Variants in MCTP1 observed in about 807,000 individuals in gnomAD.
MCTP1 encodes the protein multiple C2 and transmembrane domain containing 1.
Under a neutral mutation model 120.6 loss-of-function variants are expected in MCTP1, and 69 were observed. The ratio of observed to expected loss-of-function variants is 0.57; its 90% CI spans 0.47 to 0.70. MCTP1 has a LOEUF of 0.70. Among genes scored for constraint, MCTP1 ranks in the 30% least tolerant of loss-of-function variants. The pLI is 0.00. For missense variants in MCTP1, 1,203 were observed against 1,248.8 expected (o/e 0.96, Z 0.55); for synonymous variants, 529 against 493.1 (o/e 1.07, Z -0.96).
chr5:95,024,763 G>GGTATTTCC (rs1270502734), intron 1 of MCTP1, among the ~76,000 whole-genome samples: 1 of 151,432 alleles, frequency 6.6e-6, no homozygotes. Flanking sequence ...AAAAACCAGT[G>GGTATTTCC]GTATTTCCAT....
intron 1 of MCTP1, among the ~76,000 whole-genome samples, chr5:95,155,941 T>TTCCAC (rs1745072853): frequency 6.6e-6 from 1 of 152,310 alleles, no homozygotes; most frequent in South Asian, 2.1e-4. Context: ...TTCCACTGGC[T>TTCCAC]TTGAAGACAT....
chr5:95,009,529 A>G (rs1835490570), intron 2 of MCTP1, among the ~76,000 whole-genome samples: 1 of 151,618 alleles, frequency 6.6e-6, no homozygotes, highest in African/African-American at 2.4e-5. Flanking sequence ...ATGATAAAAA[A>G]TTTACTATAT....
intron 1 of MCTP1, among the ~76,000 whole-genome samples, chr5:95,019,267 C>A (rs911227132): frequency 4.0e-5 from 6 of 151,892 alleles, no homozygotes; most frequent in African/African-American, 1.4e-4. Flanking sequence ...ACTTGTTTAC[C>A]CTTTTGTTTT....
chr5:94,982,322 T>C (rs922670927), intron 2 of MCTP1, among the ~76,000 whole-genome samples: 1 of 152,274 alleles, frequency 6.6e-6, no homozygotes, highest in Admixed American at 6.5e-5. Context: ...TTGGTACTGA[T>C]ACAATAACAA....
chr5:94,972,422 T>C (rs1382904696), intron 2 of MCTP1, among the ~76,000 whole-genome samples: 1 of 152,116 alleles, frequency 6.6e-6, no homozygotes, highest in African/African-American at 2.4e-5. Context: ...GAATGCCTGG[T>C]CCTCCCTTCA....
intron 17 of MCTP1, among the ~76,000 whole-genome samples, chr5:94,814,616 TATAATC>T (rs1784123938): frequency 6.6e-6 from 1 of 151,986 alleles, no homozygotes; most frequent in African/African-American, 2.4e-5. Context: ...CTATGAAAAA[TATAATC>T]AGTTAAAATT....
At chr5:94,824,723 T>C (rs1786552997) in intron 17 of MCTP1, among the ~76,000 whole-genome samples, 1 of 152,198 alleles carries the variant, frequency 6.6e-6, no homozygotes, top group East Asian at 1.9e-4. Context: ...GAACTTGTTA[T>C]TGGTCTATTC....
At chr5:94,806,921 A>G (rs1325646639) in intron 17 of MCTP1, among the ~76,000 whole-genome samples, 1 of 152,204 alleles carries the variant, frequency 6.6e-6, no homozygotes. Context: ...CATCTCCTAC[A>G]AAACAATTAA....
At chr5:94,776,091 T>A (rs1316069882) in intron 19 of MCTP1, among the ~76,000 whole-genome samples, 1 of 151,732 alleles carries the variant, frequency 6.6e-6, no homozygotes, top group Non-Finnish European at 1.5e-5. Flanking sequence ...CAGTCAGTAC[T>A]AAAGAAAAGC....
intron 2 of MCTP1, among the ~76,000 whole-genome samples, chr5:95,006,936 T>A (rs539728936): frequency 6.6e-6 from 1 of 152,238 alleles, no homozygotes; most frequent in African/African-American, 2.4e-5. Context: ...CCAGAAAAAC[T>A]GGGATATATG....
At chr5:95,163,397 C>T (rs569872682) in intron 1 of MCTP1, among the ~76,000 whole-genome samples, 1 of 152,266 alleles carries the variant, frequency 6.6e-6, no homozygotes, top group Admixed American at 6.5e-5. Context: ...TTGGCATTAG[C>T]TTGACATTAA....
chr5:95,024,422 A>C (rs1439465626), intron 1 of MCTP1, among the ~76,000 whole-genome samples: 1 of 152,176 alleles, frequency 6.6e-6, no homozygotes, highest in Non-Finnish European at 1.5e-5. Flanking sequence ...TTTTGTGATA[A>C]AAGCTCTCAA....
At chr5:94,749,914 A>AG (rs1767893234) in intron 19 of MCTP1, among the ~76,000 whole-genome samples, 1 of 152,156 alleles carries the variant, frequency 6.6e-6, no homozygotes, top group African/African-American at 2.4e-5. Flanking sequence ...AGTTTACCCA[A>AG]GATCATTTAG....
intron 16 of MCTP1, among the ~76,000 whole-genome samples, chr5:94,868,889 C>T (rs1229586235): frequency 1.3e-5 from 2 of 151,852 alleles, no homozygotes; most frequent in Non-Finnish European, 2.9e-5. Flanking sequence ...TCCAGAATTG[C>T]TTTTTTATAG....
At chr5:94,809,610 G>C (rs114398468) in intron 17 of MCTP1, among the ~76,000 whole-genome samples, 2 of 151,986 alleles carry the variant, frequency 1.3e-5, no homozygotes, top group Non-Finnish European at 2.9e-5. Flanking sequence ...TAACAGCTTT[G>C]TAATTCACAG....
chr5:95,251,058 G>A (rs1031371018), intron 1 of MCTP1, among the ~76,000 whole-genome samples: 7 of 152,056 alleles, frequency 4.6e-5, no homozygotes, highest in African/African-American at 1.7e-4. Flanking sequence ...ACTTACTTTT[G>A]GTAAACACAG....
intron 2 of MCTP1, among the ~76,000 whole-genome samples, chr5:94,956,581 A>C (rs181898035): frequency 6.6e-6 from 1 of 152,184 alleles, no homozygotes; most frequent in African/African-American, 2.4e-5. Flanking sequence ...AAATGACCTG[A>C]TGGAGCTGAA....
intron 9 of MCTP1, 108 bp downstream of exon 9, chr5:94,912,698 T>C: frequency 7.0e-6 from 6 of 859,026 alleles, no homozygotes; most frequent in Non-Finnish European, 1.0e-5. Context: ...TCAAAAGAGT[T>C]TGTTAAGCAT....
chr5:94,928,523 T>G (rs908126295), intron 6 of MCTP1, among the ~76,000 whole-genome samples: 3 of 152,198 alleles, frequency 2.0e-5, no homozygotes, highest in African/African-American at 7.2e-5. Flanking sequence ...ACCTGGATAA[T>G]TCTTCTGTTG....
Sources: gnomAD v4.1 joint callset for allele counts (sites outside exome capture counted in the v4.1 genomes callset) on GRCh38, gnomAD v4.1.1 for gene constraint, MANE v1.5 for transcripts, NCBI Gene and HGNC (gene_info 2026-07-23, HGNC 2026-07-21) for gene names.